PARD3B: variants seen among roughly 807,000 people sequenced by gnomAD.
PARD3B encodes partitioning defective 3 homolog B.
Under a neutral mutation model 130.2 loss-of-function variants are expected in PARD3B, and 103 were observed. That is an observed-to-expected ratio of 0.79 (90% confidence interval 0.67 to 0.93). PARD3B has a LOEUF of 0.93. Ranked by LOEUF, PARD3B falls within the 40% of genes least tolerant of loss-of-function variation. The pLI, the probability that PARD3B is intolerant of heterozygous loss-of-function variation, is 0.00. For synonymous variants in PARD3B, 583 were observed against 553.2 expected (o/e 1.05, Z -0.76); for missense variants, 1,609 against 1,499.2 (o/e 1.07, Z -1.21).
chr2:205,257,112 AG>A (rs1390276316), intron 16 of PARD3B, among the ~76,000 whole-genome samples: 2 of 152,162 alleles, frequency 1.3e-5, no homozygotes, highest in Admixed American at 1.3e-4. Flanking sequence ...ACTTATAATT[AG>A]GGGGTTAATG....
intron 11 of PARD3B, among the ~76,000 whole-genome samples, chr2:205,159,475 GGTGAGTATAGT>G (rs2034380141): frequency 6.6e-6 from 1 of 152,194 alleles, no homozygotes; most frequent in Non-Finnish European, 1.5e-5. Flanking sequence ...TTCACGTTGA[GGTGAGTATAGT>G]GTACTGGTTA....
At chr2:205,136,893 A>C (rs577491644) in intron 10 of PARD3B, among the ~76,000 whole-genome samples, 1 of 152,324 alleles carries the variant, frequency 6.6e-6, no homozygotes, top group African/African-American at 2.4e-5. Context: ...TTGTTCAGCA[A>C]GTATTTACTG....
chr2:205,508,757 G>A (rs932019829), intron 21 of PARD3B, among the ~76,000 whole-genome samples: 1 of 152,052 alleles, frequency 6.6e-6, no homozygotes, highest in Non-Finnish European at 1.5e-5. Context: ...AGGATTGGAA[G>A]CAATACCAAG....
At chr2:204,902,079 C>T (rs536259858) in intron 2 of PARD3B, among the ~76,000 whole-genome samples, 11 of 152,306 alleles carry the variant, frequency 7.2e-5, no homozygotes, top group African/African-American at 2.6e-4. Context: ...TGCAAGTACT[C>T]CCTTGCTGCC....
At chr2:205,385,449 G>A (rs1453234665) in intron 18 of PARD3B, among the ~76,000 whole-genome samples, 4 of 152,116 alleles carry the variant, frequency 2.6e-5, no homozygotes, top group African/African-American at 9.7e-5. Flanking sequence ...TATTTAGAAT[G>A]GACATGTTCC....
At chr2:205,502,321 G>A (rs1397737590) in intron 21 of PARD3B, among the ~76,000 whole-genome samples, 1 of 152,090 alleles carries the variant, frequency 6.6e-6, no homozygotes, top group Non-Finnish European at 1.5e-5. Context: ...TCCTAGAAAG[G>A]CAGGTCTTTA....
At chr2:205,436,221 A>G (rs1469640690) in intron 19 of PARD3B, among the ~76,000 whole-genome samples, 1 of 152,184 alleles carries the variant, frequency 6.6e-6, no homozygotes, top group African/African-American at 2.4e-5. Flanking sequence ...ACCTCCTCTT[A>G]ATACTACCAC....
intron 19 of PARD3B, among the ~76,000 whole-genome samples, chr2:205,402,217 A>G (rs1211671899): frequency 6.6e-6 from 1 of 152,224 alleles, no homozygotes; most frequent in East Asian, 1.9e-4. Context: ...TCACTGGAGC[A>G]GTTAAAAGGA....
chr2:205,037,464 A>G (rs915944050), intron 3 of PARD3B, among the ~76,000 whole-genome samples: 1 of 148,044 alleles, frequency 6.8e-6, no homozygotes, highest in African/African-American at 2.5e-5. Context: ...GGTGGACTAT[A>G]TGCATAAAAT....
At chr2:204,649,271 T>G (rs1029196928) in intron 1 of PARD3B, among the ~76,000 whole-genome samples, 1 of 151,256 alleles carries the variant, frequency 6.6e-6, no homozygotes, top group Non-Finnish European at 1.5e-5. Context: ...TTGTGTTTTT[T>G]GGTTTATTTG....
intron 21 of PARD3B, among the ~76,000 whole-genome samples, chr2:205,521,535 A>G (rs2106399430): frequency 7.0e-6 from 1 of 142,630 alleles, no homozygotes; most frequent in South Asian, 2.5e-4. Context: ...TTAAACATCT[A>G]TCAAGATGAT....
In PARD3B at chr2:205,025,890, G is replaced by A. The variant is rs551757831; in HGVS notation, c.395-21691G>A. Among the ~76,000 whole-genome samples the A allele has an allele frequency of 1.7e-3, 253 of 152,230 alleles. 2 individuals carry two copies. The highest frequency in any genetic ancestry group is 0.01 in the Middle Eastern group (3 of 294). Reference sequence around the variant, plus strand: ...TATTTCTGATTTGTCCATTAATTCTGTGTGTCCTGGTTGAGACCCACTTGC... The same window carrying A: ...TATTTCTGATTTGTCCATTAATTCTATGTGTCCTGGTTGAGACCCACTTGC... On this transcript the variant is annotated intron_variant, in intron 3 of 22. Coordinates refer to ENST00000406610, the MANE Select transcript of PARD3B (RefSeq NM_001302769.2).
At chr2:205,054,451 T>A (rs1393104923) in intron 4 of PARD3B, among the ~76,000 whole-genome samples, 24 of 121,624 alleles carry the variant, frequency 2.0e-4, no homozygotes, top group South Asian at 1.8e-3. Context: ...TTTTTTTTTT[T>A]TTTTTTAATT....
At chr2:204,697,563 A>T (rs1179912834) in intron 2 of PARD3B, among the ~76,000 whole-genome samples, 2 of 152,048 alleles carry the variant, frequency 1.3e-5, no homozygotes, top group Non-Finnish European at 2.9e-5. Context: ...ATCTGCCAGG[A>T]ATTCCTCTTT....
rs188566071 is a variant in PARD3B at position 204,871,554 on chromosome 2, G to A, written c.223-93598G>A. 6.6e-3 allele frequency among the ~76,000 whole-genome samples: 1,000 copies of A among 152,184 alleles called. 10 individuals are homozygous for A. The highest frequency in any genetic ancestry group is 0.022 in the African/African-American group (903 of 41,536). On this transcript the variant is annotated intron_variant, in intron 2 of 22. Coordinates refer to ENST00000406610, the MANE Select transcript of PARD3B (RefSeq NM_001302769.2). ...ATGTTTTGTATTTTTTAAACTTGAA[G>A]TGCTAGAAAAGTAAATAATAATGAT...
At chr2:204,603,316 A>G (rs2033588230) in intron 1 of PARD3B, among the ~76,000 whole-genome samples, 2 of 152,132 alleles carry the variant, frequency 1.3e-5, no homozygotes, top group Admixed American at 1.3e-4. Context: ...TGTATTAGAA[A>G]GACTTTATTT....
intron 18 of PARD3B, among the ~76,000 whole-genome samples, chr2:205,302,249 A>G (rs556084432): frequency 7.3e-5 from 11 of 151,200 alleles, no homozygotes; most frequent in African/African-American, 2.4e-4. Flanking sequence ...TTGTATTTTT[A>G]GTAGAGTGGA....
intron 3 of PARD3B, among the ~76,000 whole-genome samples, chr2:205,018,534 T>C (rs1013617684): frequency 2.0e-5 from 3 of 152,006 alleles, no homozygotes; most frequent in African/African-American, 7.2e-5. Flanking sequence ...CAGATGCTTT[T>C]CCAAGGATTC....
chr2:205,361,984 G>A (rs1325686209), intron 18 of PARD3B, among the ~76,000 whole-genome samples: 2 of 134,102 alleles, frequency 1.5e-5, no homozygotes, highest in Non-Finnish European at 3.3e-5. Context: ...ACAAAGAATT[G>A]TAATCTTTAG....
Sources: gnomAD v4.1 joint callset for allele counts (sites outside exome capture counted in the v4.1 genomes callset) on GRCh38, gnomAD v4.1.1 for gene constraint, MANE v1.5 for transcripts, NCBI Gene and HGNC (gene_info 2026-07-23, HGNC 2026-07-21) for gene names.